ZFPM2: variants seen among roughly 807,000 people sequenced by gnomAD.
ZFPM2 encodes zinc finger protein ZFPM2.
A neutral mutation model predicts 98.6 loss-of-function variants in ZFPM2; 20 were observed. That is an observed-to-expected ratio of 0.20 (90% CI 0.14 to 0.29). The LOEUF (loss-of-function observed/expected upper bound fraction) is 0.29, where lower values mean the gene tolerates loss of function less well. ZFPM2 is among the 10% of genes least tolerant of loss of function. ZFPM2 has a pLI of 1.00. For missense variants in ZFPM2, 1,310 were observed against 1,388.6 expected, an observed-to-expected ratio of 0.94 and a Z score of 0.90; for synonymous variants, 518 against 502.7, an observed-to-expected ratio of 1.03 and a Z score of -0.41.
At chr8:105,702,354 T>A (rs1811158595) in intron 5 of ZFPM2, among the ~76,000 whole-genome samples, 1 of 152,206 alleles carries the variant, frequency 6.6e-6, no homozygotes, top group Non-Finnish European at 1.5e-5. Flanking sequence ...ACAGGGAGAT[T>A]TATCTTGGGC....
At chr8:105,641,137 C>T (rs1024588146) in intron 5 of ZFPM2, among the ~76,000 whole-genome samples, 3 of 152,010 alleles carry the variant, frequency 2.0e-5, no homozygotes, top group African/African-American at 7.2e-5. Flanking sequence ...AACAAACTGA[C>T]ACAATGTAAA....
intron 3 of ZFPM2, among the ~76,000 whole-genome samples, chr8:105,524,486 T>TTCTC (rs375750481): frequency 6.6e-6 from 1 of 151,036 alleles, no homozygotes; most frequent in Admixed American, 6.6e-5. Context: ...GTGTGTGTGT[T>TTCTC]TCTCTCTCTC....
intron 3 of ZFPM2, among the ~76,000 whole-genome samples, chr8:105,490,619 T>C (rs1482642957): frequency 6.6e-6 from 1 of 152,216 alleles, no homozygotes; most frequent in Non-Finnish European, 1.5e-5. Flanking sequence ...ATTCTGAAGA[T>C]AGAAAATCCA....
At position 105,605,952 on chromosome 8, in the gene ZFPM2, G is replaced by A. The variant is rs531732052; in HGVS notation, c.421-28294G>A. Among the ~76,000 whole-genome samples, 5 of 152,132 alleles carry A rather than the reference G, an allele frequency of 3.3e-5. No homozygotes were observed. In the East Asian group the frequency reaches 9.7e-4, roughly 30 times the overall value. On this transcript the variant is annotated intron_variant, in intron 4 of 7. Coordinates refer to ENST00000407775, the MANE Select transcript of ZFPM2 (RefSeq NM_012082.4). ...GTTGCTCTGAATCATGAGTGCTGAGGTCTGCAGCAAAGTTTGTCATTTTCT... is the reference window on the plus strand; with the variant it reads ...GTTGCTCTGAATCATGAGTGCTGAGATCTGCAGCAAAGTTTGTCATTTTCT...
chr8:105,562,236 G>A (rs1815154512), intron 4 of ZFPM2, among the ~76,000 whole-genome samples: 1 of 152,056 alleles, frequency 6.6e-6, no homozygotes, highest in Non-Finnish European at 1.5e-5. Flanking sequence ...CTTGAACCCA[G>A]AAGGCAGAGT....
chr8:105,516,109 A>G (rs539737288), intron 3 of ZFPM2, among the ~76,000 whole-genome samples: 1 of 152,060 alleles, frequency 6.6e-6, no homozygotes, highest in African/African-American at 2.4e-5. Context: ...TATTTTTACT[A>G]GAGATGGGGT....
At chr8:105,569,343 AC>A (rs1237310121) in intron 4 of ZFPM2, among the ~76,000 whole-genome samples, 2 of 151,968 alleles carry the variant, frequency 1.3e-5, no homozygotes, top group African/African-American at 4.8e-5. Context: ...ACAGCTGCAC[AC>A]CCCTCCTTAT....
At chr8:105,716,126 A>G (rs1006324981) in intron 5 of ZFPM2, among the ~76,000 whole-genome samples, 21 of 151,012 alleles carry the variant, frequency 1.4e-4, no homozygotes, top group East Asian at 5.8e-4. Flanking sequence ...AGTTTAGTGG[A>G]CATTCTTTGT....
At chr8:105,666,175 C>T (rs1350870261) in intron 5 of ZFPM2, among the ~76,000 whole-genome samples, 1 of 152,140 alleles carries the variant, frequency 6.6e-6, no homozygotes, top group Non-Finnish European at 1.5e-5. Context: ...GACTTTGTGA[C>T]AAGCCATGGT....
At chr8:105,687,725 A>G (rs1810774495) in intron 5 of ZFPM2, among the ~76,000 whole-genome samples, 1 of 152,166 alleles carries the variant, frequency 6.6e-6, no homozygotes, top group Non-Finnish European at 1.5e-5. Flanking sequence ...AGGAGCATCA[A>G]AAAATTAGAT....
intron 5 of ZFPM2, among the ~76,000 whole-genome samples, chr8:105,709,541 A>G (rs1167731769): frequency 6.6e-6 from 1 of 152,148 alleles, no homozygotes; most frequent in Non-Finnish European, 1.5e-5. Flanking sequence ...GATTTTTAAA[A>G]AAATGTATGC....
In ZFPM2 at chr8:105,803,668, A is replaced by G; in HGVS notation, c.*130A>G. The stretch of plus-strand genomic sequence containing the variant: ...ATAATTCATTATGGCTGAGTTGAAG[A>G]CTTAAGGTGTAATTTCATTACAGTC... On this transcript the variant is annotated 3_prime_UTR_variant, in exon 8 of 8. Transcript: ENST00000407775. 1 of 890,952 alleles carries G rather than the reference A, an allele frequency of 1.1e-6. No individual in the cohort carries two copies. Among genetic ancestry groups the G allele is most frequent in the South Asian group, 1.7e-5 (1 of 57,308 alleles). 55.2% of individuals were successfully genotyped at this position (890,952 alleles called of 1,614,324 possible).
chr8:105,346,743 C>T (rs1812544813), intron 1 of ZFPM2, among the ~76,000 whole-genome samples: 1 of 152,144 alleles, frequency 6.6e-6, no homozygotes, highest in African/African-American at 2.4e-5. Flanking sequence ...GGCCACACTG[C>T]AATTGACAGC....
rs777968993 is a variant in ZFPM2, at chr8:105,444,371, G to C, written c.291G>C (p.Trp97Cys). 13 of 1,610,044 alleles carry C rather than the reference G, an allele frequency of 8.1e-6. No homozygotes were observed. The highest frequency in any genetic ancestry group is 4.2e-6 in the Non-Finnish European group (5 of 1,177,724). ...PGQPGVETDDWDGPGELEVFQ... is the reference protein window; with the variant it reads ...PGQPGVETDDCDGPGELEVFQ... ...AACCTGGAGTTGAGACAGACGACTG[G>C]GATGGACCAGGTAGGGGAGAATATT... is the stretch of plus-strand genomic sequence containing the variant. Residue 97 changes from tryptophan to cysteine, a missense_variant, in exon 3 of 8, where the codon TGG becomes TGC. Coordinates refer to ENST00000407775, the MANE Select transcript of ZFPM2 (RefSeq NM_012082.4).
intron 1 of ZFPM2, among the ~76,000 whole-genome samples, chr8:105,371,465 T>A (rs558752688): frequency 2.0e-5 from 3 of 151,968 alleles, no homozygotes; most frequent in Non-Finnish European, 4.4e-5. Flanking sequence ...TTAGGAAGAG[T>A]TTGTAAACTT....
intron 5 of ZFPM2, among the ~76,000 whole-genome samples, chr8:105,747,526 T>C (rs1207787185): frequency 6.6e-6 from 1 of 152,090 alleles, no homozygotes; most frequent in Admixed American, 6.6e-5. Context: ...TAATTAAATG[T>C]AGATTAAAAC....
chr8:105,342,094 A>G (rs1181032473), intron 1 of ZFPM2, among the ~76,000 whole-genome samples: 1 of 152,020 alleles, frequency 6.6e-6, no homozygotes, highest in East Asian at 1.9e-4. Context: ...ATAGGAATAG[A>G]TGAGTTGACA....
At chr8:105,480,233 G>T (rs1026304868) in intron 3 of ZFPM2, among the ~76,000 whole-genome samples, 1 of 152,172 alleles carries the variant, frequency 6.6e-6, no homozygotes, top group African/African-American at 2.4e-5. Context: ...TTTCTGAACT[G>T]CATGGTGCTT....
intron 1 of ZFPM2, among the ~76,000 whole-genome samples, chr8:105,370,293 T>A (rs967675611): frequency 6.6e-6 from 1 of 152,220 alleles, no homozygotes; most frequent in African/African-American, 2.4e-5. Flanking sequence ...GTATTAGTTC[T>A]TTCTAATGGA....
Sources: allele counts gnomAD v4.1 joint callset (sites outside exome capture counted in the v4.1 genomes callset), GRCh38; gene constraint gnomAD v4.1.1; transcripts MANE v1.5; gene names NCBI Gene and HGNC (gene_info 2026-07-23, HGNC 2026-07-21).